The following ITIH5 variants were observed in gnomAD, a reference collection of about 807,000 sequenced individuals.
ITIH5 encodes the protein inter-alpha-trypsin inhibitor heavy chain H5.
In ITIH5, 65 loss-of-function variants were observed where a neutral mutation model predicts 77.5. The observed-to-expected ratio is 0.84, with a 90% CI of 0.69 to 1.03. ITIH5 has a LOEUF of 1.03. Ranked by LOEUF, ITIH5 falls within the 50% of genes least tolerant of loss-of-function variation. ITIH5 has a pLI of 0.00. For missense variants in ITIH5, 1,208 were observed against 1,213.1 expected, an observed-to-expected ratio of 1.00 and a Z score of 0.06; for synonymous variants, 525 against 494.3, an observed-to-expected ratio of 1.06 and a Z score of -0.82.
At chr10:7,615,165 T>C (rs1476510500) in intron 7 of ITIH5, among the ~76,000 whole-genome samples, 1 of 152,168 alleles carries the variant, frequency 6.6e-6, no homozygotes, top group African/African-American at 2.4e-5. Flanking sequence ...GAGAATCTCT[T>C]GAACCCAGAA....
chr10:7,567,605 T>C (rs1286158928), intron 12 of ITIH5, among the ~76,000 whole-genome samples: 1 of 152,066 alleles, frequency 6.6e-6, no homozygotes. Flanking sequence ...TTTCTGTCCT[T>C]GCAATAGTTT....
intron 12 of ITIH5, 72 bp from the exon 13 acceptor site, chr10:7,566,479 AG>A: frequency 6.9e-7 from 1 of 1,454,552 alleles, no homozygotes; most frequent in East Asian, 2.3e-5. Flanking sequence ...CTGTAATCCC[AG>A]CACTTAGAAG....
intron 2 of ITIH5, among the ~76,000 whole-genome samples, chr10:7,646,558 C>G (rs1834012709): frequency 6.6e-6 from 1 of 152,212 alleles, no homozygotes; most frequent in South Asian, 2.1e-4. Flanking sequence ...CAGCAGCAAT[C>G]TTTATGTTTC....
intron 7 of ITIH5, among the ~76,000 whole-genome samples, chr10:7,600,147 A>C (rs1410898192): frequency 6.6e-6 from 1 of 152,234 alleles, no homozygotes; most frequent in African/African-American, 2.4e-5. Context: ...TGTCTGCCTC[A>C]ATTACCTGGG....
At chr10:7,612,707 T>C (rs920911131) in intron 7 of ITIH5, among the ~76,000 whole-genome samples, 7 of 151,476 alleles carry the variant, frequency 4.6e-5, no homozygotes, top group Non-Finnish European at 8.8e-5. Flanking sequence ...TGAAGATTCA[T>C]AGGTACCTAG....
intron 1 of ITIH5, among the ~76,000 whole-genome samples, chr10:7,663,358 T>C (rs1333640017): frequency 2.0e-5 from 3 of 152,236 alleles, no homozygotes; most frequent in African/African-American, 4.8e-5. Context: ...TATATGCAAA[T>C]GCTTTGCCTG....
rs767051970 is a variant in ITIH5 at position 7,585,974 on chromosome 10, G to A, written c.1035C>T (p.Asp345=). The change falls in exon 8 of 14, where the codon GAC becomes GAT. Residue 345 remains aspartate, a synonymous_variant. Coordinates refer to ENST00000397146, the MANE Select transcript of ITIH5 (RefSeq NM_030569.7). ...TGTCTGGAGTGACTGATATCAAGTGGTCCTTCCATACTTTGATCCGGTTGG... is the reference window on the plus strand; with the variant it reads ...TGTCTGGAGTGACTGATATCAAGTGATCCTTCCATACTTTGATCCGGTTGG... ...GFSNRIKVWK[D]HLISVTPDSI... is the part of the protein sequence containing the mutation. 2.0e-5 allele frequency: 32 copies of A among 1,613,942 alleles called. No individual in the cohort carries two copies. The highest frequency in any genetic ancestry group is 2.5e-5 in the Non-Finnish European group (30 of 1,179,978).
rs535407710 is a variant in ITIH5, at chr10:7,615,642, C to A, written c.939+340G>T. 1.6e-4 allele frequency among the ~76,000 whole-genome samples: 25 copies of A among 152,278 alleles called. 2 individuals are homozygous for A. Among genetic ancestry groups the A allele is most frequent in the South Asian group, 1.4e-3 (7 of 4,828 alleles). On this transcript the variant is annotated intron_variant, in intron 7 of 13. Transcript: ENST00000397146. ...CTTCCAATGATTCTATTCCACTGTT[C>A]TCAAAGGAATCATCGCTGAACAGAA...
At chr10:7,596,427 C>T (rs891740198) in intron 7 of ITIH5, among the ~76,000 whole-genome samples, 6 of 152,188 alleles carry the variant, frequency 3.9e-5, no homozygotes, top group South Asian at 2.1e-4. Flanking sequence ...CCACTTCCAT[C>T]GGGTACCCAC....
rs780425687 is a variant in ITIH5 at position 7,576,645 on chromosome 10, G to A, written c.1786C>T (p.Pro596Ser). ...CGCTGCCGCAGCCGCTCCTTCTCCG[G>A]TTCATCGTCACTTTGCAGCCAGGAG... ...LSSWLQSDDE[P>S]EKERLRQRAQ... Residue 596 changes from proline (P) to serine (S), a missense_variant, in exon 10 of 14, where the codon CCG (proline) becomes TCG (serine). Coordinates refer to ENST00000397146, the MANE Select transcript of ITIH5 (RefSeq NM_030569.7). The A allele has an allele frequency of 6.2e-7, 1 of 1,614,184 alleles. No individual in the cohort carries two copies.
At chr10:7,602,601 T>C (rs886191453) in intron 7 of ITIH5, among the ~76,000 whole-genome samples, 3 of 152,190 alleles carry the variant, frequency 2.0e-5, no homozygotes, top group Non-Finnish European at 2.9e-5. Flanking sequence ...TCTGCCATGA[T>C]AGTAAGTTTC....
intron 8 of ITIH5, among the ~76,000 whole-genome samples, chr10:7,585,329 T>C (rs113744512): frequency 0.023 from 3,450 of 152,270 alleles, 60 homozygotes; most frequent in Non-Finnish European, 0.038. Flanking sequence ...TGATCTTTTC[T>C]CTCCTCTCTT....
At chr10:7,567,450 T>C (rs903077939) in intron 12 of ITIH5, among the ~76,000 whole-genome samples, 2 of 151,632 alleles carry the variant, frequency 1.3e-5, no homozygotes, top group African/African-American at 4.8e-5. Flanking sequence ...TAACTCGTCA[T>C]TTACATTAGG....
intron 1 of ITIH5, among the ~76,000 whole-genome samples, chr10:7,657,413 C>A (rs1176606382): frequency 2.6e-5 from 4 of 151,828 alleles, no homozygotes; most frequent in Non-Finnish European, 5.9e-5. Context: ...GCATTCCCAC[C>A]AGTATGCAAT....
In ITIH5 at chr10:7,597,063, A is replaced by AAAAAAAAAAAT. The variant is rs750714870; in HGVS notation, c.940-10995_940-10994insATTTTTTTTTT. Among the ~76,000 whole-genome samples the AAAAAAAAAAAT allele has an allele frequency of 2.2e-4, 31 of 142,728 alleles. 1 individual carries two copies. The highest frequency in any genetic ancestry group is 3.9e-4 in the Non-Finnish European group (25 of 64,364). 93.6% of individuals were successfully genotyped at this position (142,728 alleles called of 152,430 possible). ...CCAACTCAAAAAAAAAAAAAAAAAA[A>AAAAAAAAAAAT]ATTCCACCAAAGAAATCAAAGACCT... On this transcript the variant is annotated intron_variant, in intron 7 of 13. Coordinates refer to ENST00000397146, the MANE Select transcript of ITIH5 (RefSeq NM_030569.7).
At chr10:7,588,724 C>T (rs1203498820) in intron 7 of ITIH5, among the ~76,000 whole-genome samples, 4 of 152,210 alleles carry the variant, frequency 2.6e-5, no homozygotes, top group South Asian at 2.1e-4. Context: ...ATGATGACGA[C>T]GCTGACGATA....
intron 7 of ITIH5, chr10:7,600,409 A>G: frequency 2.5e-6 from 1 of 396,546 alleles, no homozygotes; most frequent in South Asian, 1.9e-5. Flanking sequence ...AGTGACCACA[A>G]CTGTCTCCTG....
Position 7,561,142 on chromosome 10 carries a change from T to C in ITIH5, c.*1941A>G, listed in dbSNP as rs10752109. 119,065 of 152,206 alleles carry C rather than the reference T, an allele frequency of 0.78. 48,858 individuals are homozygous for C. The highest frequency in any genetic ancestry group is 0.9 in the Non-Finnish European group (61,497 of 68,026). The allele number at this position is 152,206 out of a possible 1,614,324, so 9.4% of individuals were successfully genotyped here. ...TTTTAAAAATGAAAGCTCAACTTTG[T>C]TACTTATGTTTTTCTGAGCAAGCAA... On this transcript the variant is annotated 3_prime_UTR_variant, in exon 14 of 14. Transcript: ENST00000397146.
chr10:7,664,297 G>A (rs2131121291), intron 1 of ITIH5, among the ~76,000 whole-genome samples: 1 of 151,890 alleles, frequency 6.6e-6, no homozygotes, highest in East Asian at 1.9e-4. Context: ...CTGCTTGGGA[G>A]GCTGAGGCAT....
Sources: allele counts gnomAD v4.1 joint callset (sites outside exome capture counted in the v4.1 genomes callset), GRCh38; gene constraint gnomAD v4.1.1; transcripts MANE v1.5; gene names NCBI Gene and HGNC (gene_info 2026-07-23, HGNC 2026-07-21).